Variants in NCOR2 observed in about 807,000 individuals in gnomAD.
The protein encoded by NCOR2 is CTG repeat protein 26.
A neutral mutation model predicts 262.9 loss-of-function variants in NCOR2; 81 were observed. The observed-to-expected ratio is 0.31, with a 90% CI of 0.26 to 0.37. The LOEUF (loss-of-function observed/expected upper bound fraction) is 0.37, where lower values mean the gene tolerates loss of function less well. Among genes scored for constraint, NCOR2 ranks in the 10% least tolerant of loss-of-function variants. The pLI is 1.00. For missense variants in NCOR2, 3,385 were observed against 3,621.4 expected (o/e 0.93, Z 1.68); for synonymous variants, 1,659 against 1,559.3 (o/e 1.06, Z -1.51).
rs548014366 is a variant in NCOR2, at chr12:124,342,942, C to A, written c.4936+63G>T. 2.6e-5 allele frequency: 40 copies of A among 1,565,640 alleles called. No homozygotes were observed. In the East Asian group the frequency reaches 8.2e-4, roughly 32 times the overall value. On this transcript the variant is annotated intron_variant, in intron 33 of 46. Transcript: ENST00000405201. ...TGCCTAAGGAGTCCCTGAGCGAACA[C>A]TGATGAGGTCCGTGGCCCTGTTCAG...
intron 22 of NCOR2, among the ~76,000 whole-genome samples, chr12:124,357,807 TGC>T (rs1314260640): frequency 4.7e-5 from 7 of 149,966 alleles, no homozygotes; most frequent in Non-Finnish European, 1.0e-4. Context: ...TGTGTGTGTG[TGC>T]GCGCACGCGC....
chr12:124,384,065 G>A (rs1368220740), intron 17 of NCOR2, among the ~76,000 whole-genome samples: 1 of 152,204 alleles, frequency 6.6e-6, no homozygotes, highest in Non-Finnish European at 1.5e-5. Context: ...GAGAGAAAGT[G>A]AAAGGACAGC....
intron 7 of NCOR2, among the ~76,000 whole-genome samples, chr12:124,439,039 AT>A: frequency 7.0e-6 from 1 of 142,558 alleles, no homozygotes. Context: ...AGAGAGAGAG[AT>A]GGAGACCCTG....
At chr12:124,383,491 A>G (rs1180392687) in intron 17 of NCOR2, 4 of 936,756 alleles carry the variant, frequency 4.3e-6, no homozygotes, top group Non-Finnish European at 5.5e-6. Flanking sequence ...CCCAGTGCTC[A>G]TACCTCCCAC....
At chr12:124,442,943 G>A (rs555243324) in intron 7 of NCOR2, among the ~76,000 whole-genome samples, 6 of 152,312 alleles carry the variant, frequency 3.9e-5, no homozygotes, top group South Asian at 2.1e-4. Flanking sequence ...TACAAAAGAC[G>A]GGAGTGACGC....
rs373538771 is a variant in NCOR2 at position 124,340,106 on chromosome 12, G to A, written c.5587C>T (p.Arg1863Trp). 2.4e-5 allele frequency: 39 copies of A among 1,612,674 alleles called. No individual in the cohort carries two copies. Among genetic ancestry groups the A allele is most frequent in the East Asian group, 1.1e-4 (5 of 44,876 alleles). Residue 1863 changes from arginine to tryptophan, a missense_variant, in exon 37 of 47, where the codon CGG becomes TGG. Coordinates refer to ENST00000405201, the Ensembl canonical transcript of NCOR2. Reference sequence around the variant, plus strand: ...CTCTGCTGGAGGGCATCCTGGGTCCGAGGGGAGATGGGCGAGTGCTGGTGG... The same window carrying A: ...CTCTGCTGGAGGGCATCCTGGGTCCAAGGGGAGATGGGCGAGTGCTGGTGG...
Position 124,457,196 on chromosome 12 carries a change from TA to T in NCOR2, c.706-35del. ...TGATGGCGAAGAGGAGGAATTTTTT[TA>T]AAAAACAAAAAAACACAGATTATAA... On this transcript the variant is annotated intron_variant, in intron 5 of 46. Coordinates refer to ENST00000405201, the Ensembl canonical transcript of NCOR2. This position sits in a 1 kb window ranked among gnomAD's most constrained non-coding sequence, Gnocchi z 4.0. 1 of 1,535,590 alleles carries T rather than the reference TA, an allele frequency of 6.5e-7. No homozygotes were observed.
intron 11 of NCOR2, among the ~76,000 whole-genome samples, chr12:124,422,867 GT>G (rs937299045): frequency 7.9e-5 from 12 of 151,930 alleles, no homozygotes; most frequent in Admixed American, 2.0e-4. Context: ...CTTTGGTGGG[GT>G]TCCCCCCCCT....
At chr12:124,382,532 C>T (rs991518177) in intron 17 of NCOR2, among the ~76,000 whole-genome samples, 1 of 152,216 alleles carries the variant, frequency 6.6e-6, no homozygotes, top group Admixed American at 6.5e-5. Context: ...TTGACTGTGT[C>T]ATTCGGATCA....
At position 124,413,607 on chromosome 12, in the gene NCOR2, G is replaced by A. The variant is rs565404114; in HGVS notation, c.1482+6350C>T. Among the ~76,000 whole-genome samples, 11 of 152,180 alleles carry A rather than the reference G, an allele frequency of 7.2e-5. No homozygotes were observed. The East Asian group carries it at 9.7e-4, about 13-fold the overall frequency. Reference sequence around the variant, plus strand: ...TGTGGCCTGGAGCCACGGGCACCGCGCCAGGACCACAAGCACCACAGCCTC... The same window carrying A: ...TGTGGCCTGGAGCCACGGGCACCGCACCAGGACCACAAGCACCACAGCCTC... On this transcript the variant is annotated intron_variant, in intron 13 of 46. Transcript: ENST00000405201.
At chr12:124,364,145 C>G (rs2038832154) in intron 20 of NCOR2, among the ~76,000 whole-genome samples, 1 of 152,198 alleles carries the variant, frequency 6.6e-6, no homozygotes, top group Non-Finnish European at 1.5e-5. Flanking sequence ...ATCAAACATC[C>G]CCAAAGACAT....
chr12:124,512,662 C>G (rs1379756613), intron 1 of NCOR2, among the ~76,000 whole-genome samples: 3 of 152,208 alleles, frequency 2.0e-5, no homozygotes, highest in Non-Finnish European at 2.9e-5. Flanking sequence ...CTGCCTAGCT[C>G]TGAGCCCAAG....
chr12:124,565,345 G>C (rs903869256), intron 1 of NCOR2, among the ~76,000 whole-genome samples: 3 of 152,300 alleles, frequency 2.0e-5, no homozygotes, highest in Non-Finnish European at 4.4e-5. Context: ...AGGCGGCTCA[G>C]GGAAGCCAGA....
intron 1 of NCOR2, among the ~76,000 whole-genome samples, chr12:124,541,185 A>G (rs1319647988): frequency 7.3e-4 from 1 of 1,372 alleles, no homozygotes. Context: ...GTGGAGATGG[A>G]GGGGGATGGG....
At chr12:124,400,672 C>G in exon 15 of NCOR2, 1 of 1,613,914 alleles carries the variant, frequency 6.2e-7, no homozygotes, top group Non-Finnish European at 8.5e-7. Context: ...TCTGTCTTCT[C>G]CCTACAGGCC....
At chr12:124,332,128 C>G (rs779123325) in intron 43 of NCOR2, 191 bp downstream of exon 45, 8 of 651,592 alleles carry the variant, frequency 1.2e-5, no homozygotes, top group Non-Finnish European at 2.1e-5. Flanking sequence ...ATGGAAAGCC[C>G]AGCAAATCAA....
At chr12:124,416,538 C>T (rs148478932) in intron 13 of NCOR2, among the ~76,000 whole-genome samples, 214 of 151,074 alleles carry the variant, frequency 1.4e-3, no homozygotes, top group Admixed American at 2.8e-3. Context: ...AGGGAGACCC[C>T]GCGGCACAGG....
chr12:124,418,257 T>C (rs1373412324), intron 13 of NCOR2, among the ~76,000 whole-genome samples: 16 of 152,128 alleles, frequency 1.1e-4, no homozygotes, highest in Admixed American at 1.0e-3. Flanking sequence ...TCCCTGCGGA[T>C]AAGGACCGAG....
chr12:124,480,740 C>G (rs2047411215), intron 3 of NCOR2, among the ~76,000 whole-genome samples: 1 of 150,526 alleles, frequency 6.6e-6, no homozygotes, highest in African/African-American at 2.4e-5. Context: ...CCCAGGCGCC[C>G]TTGTCCGGCT....
Sources: allele counts gnomAD v4.1 joint callset (sites outside exome capture counted in the v4.1 genomes callset), GRCh38; gene constraint gnomAD v4.1.1; non-coding constraint Gnocchi (gnomAD v3.1); transcripts MANE v1.5; gene names NCBI Gene and HGNC (gene_info 2026-07-23, HGNC 2026-07-21).